The following RBM33 variants were observed in gnomAD, a reference collection of about 807,000 sequenced individuals.
RBM33 encodes the protein RNA binding motif protein 33, also known as RNA-binding protein 33.
In RBM33, 28 loss-of-function variants were observed where a neutral mutation model predicts 132.6. The ratio of observed to expected loss-of-function variants is 0.21; its 90% CI spans 0.16 to 0.29. The LOEUF (loss-of-function observed/expected upper bound fraction) is 0.29. RBM33 is among the 10% of genes least tolerant of loss of function. The pLI, the probability that RBM33 is intolerant of heterozygous loss-of-function variation, is 1.00. For missense variants in RBM33, 1,291 were observed against 1,518.5 expected, an observed-to-expected ratio of 0.85 and a Z score of 2.49; for synonymous variants, 634 against 593.0, an observed-to-expected ratio of 1.07 and a Z score of -1.01.
chr7:155,749,350 C>T (rs903734838), intron 14 of RBM33, among the ~76,000 whole-genome samples: 8 of 152,136 alleles, frequency 5.3e-5, no homozygotes, highest in African/African-American at 1.9e-4. Context: ...CCTTCTGAGG[C>T]GAGTGCGTTG....
chr7:155,650,704 C>T (rs1037847593), intron 1 of RBM33, among the ~76,000 whole-genome samples: 1 of 152,128 alleles, frequency 6.6e-6, no homozygotes, highest in African/African-American at 2.4e-5. Flanking sequence ...GTCTGGTTCC[C>T]TTTAAAAAAG....
chr7:155,764,561 T>TC (rs1423843937), intron 15 of RBM33, among the ~76,000 whole-genome samples: 7 of 152,160 alleles, frequency 4.6e-5, no homozygotes, highest in Admixed American at 4.6e-4. Context: ...GTGCTCCCCA[T>TC]CCCCCTTTCT....
At chr7:155,646,320 G>GATAAACAGGC (rs1394457390) in intron 1 of RBM33, among the ~76,000 whole-genome samples, 1 of 152,178 alleles carries the variant, frequency 6.6e-6, no homozygotes, top group African/African-American at 2.4e-5. Flanking sequence ...ATGTAATCCA[G>GATAAACAGGC]ATAAACAGGC....
At chr7:155,743,917 A>T (rs1801431809) in intron 13 of RBM33, among the ~76,000 whole-genome samples, 1 of 152,202 alleles carries the variant, frequency 6.6e-6, no homozygotes, top group African/African-American at 2.4e-5. Context: ...CTTGCTCTGT[A>T]TGCCTACCCT....
intron 15 of RBM33, 65 bp from the exon 16 acceptor site, chr7:155,766,402 A>G: frequency 6.5e-7 from 1 of 1,529,540 alleles, no homozygotes; most frequent in Non-Finnish European, 8.9e-7. Context: ...TCACTTTTAT[A>G]TCTTAGTGAC....
intron 6 of RBM33, chr7:155,701,222 A>G (rs1210036677): frequency 9.8e-6 from 5 of 510,096 alleles, no homozygotes; most frequent in Admixed American, 3.7e-5. Context: ...GCTCTTGTAC[A>G]TGCTGTGGTT....
intron 1 of RBM33, among the ~76,000 whole-genome samples, chr7:155,653,116 A>G (rs1387090972): frequency 6.6e-6 from 1 of 152,094 alleles, no homozygotes; most frequent in African/African-American, 2.4e-5. Flanking sequence ...TAGACACTTG[A>G]GTTGCTTCCA....
rs1168414958 is a variant in RBM33 at position 155,662,173 on chromosome 7, GTC to G, written c.44-2994_44-2993del. The stretch of plus-strand genomic sequence containing the variant: ...TGGGATGGTTGTCATGGCTTTGATT[GTC>G]TCTCTCTGAGCACACCTTCCGTAAT... On this transcript the variant is annotated intron_variant, in intron 1 of 17. Coordinates refer to ENST00000401878, the MANE Select transcript of RBM33 (RefSeq NM_053043.3). Among the ~76,000 whole-genome samples the G allele has an allele frequency of 2.6e-5, 4 of 152,194 alleles. No individual in the cohort carries two copies. The South Asian group carries it at 6.2e-4, about 24-fold the overall frequency.
At chr7:155,712,603 A>G (rs951167508) in intron 8 of RBM33, among the ~76,000 whole-genome samples, 10 of 152,204 alleles carry the variant, frequency 6.6e-5, no homozygotes, top group Admixed American at 5.9e-4. Flanking sequence ...CTGAGCAGGA[A>G]AGAGTTGAGG....
In RBM33 at chr7:155,664,958, A is replaced by G. The variant is rs546280087; in HGVS notation, c.44-217A>G. 3.4e-4 allele frequency among the ~76,000 whole-genome samples: 52 copies of G among 152,142 alleles called. No individual in the cohort carries two copies. The highest frequency in any genetic ancestry group is 5.3e-4 in the Non-Finnish European group (36 of 67,980). ...ACCTGTTAGTGATTTTTCATGCCCA[A>G]TAATGTTCAATAAGTTGGTTTTCTT... On this transcript the variant is annotated intron_variant, in intron 1 of 17. Transcript: ENST00000401878.
intron 1 of RBM33, among the ~76,000 whole-genome samples, chr7:155,652,344 G>A (rs1484342638): frequency 6.6e-6 from 1 of 152,198 alleles, no homozygotes; most frequent in Non-Finnish European, 1.5e-5. Flanking sequence ...GCCTGAATTG[G>A]AATAGCTGTG....
intron 9 of RBM33, among the ~76,000 whole-genome samples, chr7:155,735,059 G>A (rs1801070466): frequency 6.6e-6 from 1 of 152,194 alleles, no homozygotes; most frequent in African/African-American, 2.4e-5. Context: ...AACATCGTAA[G>A]TTGGACCATT....
chr7:155,649,521 G>T (rs1349965842), intron 1 of RBM33, among the ~76,000 whole-genome samples: 1 of 152,152 alleles, frequency 6.6e-6, no homozygotes, highest in Non-Finnish European at 1.5e-5. Flanking sequence ...AATCATGTTA[G>T]CTTGATTTTT....
chr7:155,711,868 T>C (rs755918435), intron 8 of RBM33, among the ~76,000 whole-genome samples: 2 of 152,264 alleles, frequency 1.3e-5, no homozygotes, highest in Non-Finnish European at 2.9e-5. Context: ...TATAGATTAC[T>C]GTGCATCTGA....
At chr7:155,737,390 AAGAG>A in intron 9 of RBM33, 136 bp from the exon 10 acceptor site, 1 of 593,132 alleles carries the variant, frequency 1.7e-6, no homozygotes, top group South Asian at 2.6e-5. Flanking sequence ...TGTGTGTAGA[AAGAG>A]AAAGACAGTG....
At position 155,695,935 on chromosome 7, in the gene RBM33, C is replaced by T. The variant is rs184944831; in HGVS notation, c.568-4838C>T. On this transcript the variant is annotated intron_variant, in intron 5 of 17. Coordinates refer to ENST00000401878, the MANE Select transcript of RBM33 (RefSeq NM_053043.3). ...TATGATCTATCTCAATATGTGCGCA[C>T]GTGTGTGTGTGTGTGTGGTATGAGA... Among the ~76,000 whole-genome samples, 1,041 of 150,434 alleles carry T rather than the reference C, an allele frequency of 6.9e-3. 12 individuals carry two copies. Among genetic ancestry groups the T allele is most frequent in the African/African-American group, 0.024 (976 of 40,812 alleles).
chr7:155,707,068 G>C lies in RBM33; in HGVS notation c.948G>C (p.Val316=). 6.5e-7 allele frequency: 1 copy of C among 1,537,042 alleles called. No homozygotes were observed. Among genetic ancestry groups the C allele is most frequent in the Non-Finnish European group, 8.8e-7 (1 of 1,140,896 alleles). The change falls in exon 7 of 18, where the codon GTG becomes GTC. Residue 316 remains valine (V), a splice_region_variant and synonymous_variant. Transcript: ENST00000401878. The part of the protein sequence containing the change: ...PALLPTQPPV[V]PQAPPPPPPP... ...TGCTTCCTACACAGCCTCCTGTCGT[G>C]GTAACTTCAGATTTTCTTGTAGTAG... is the stretch of plus-strand genomic sequence containing the variant.
At chr7:155,684,584 C>A (rs1366377247) in intron 5 of RBM33, among the ~76,000 whole-genome samples, 1 of 152,144 alleles carries the variant, frequency 6.6e-6, no homozygotes, top group African/African-American at 2.4e-5. Context: ...ATTTCAGCCC[C>A]CTTCTGCTGC....
chr7:155,676,693 C>G (rs963825017), intron 3 of RBM33, among the ~76,000 whole-genome samples: 1 of 152,178 alleles, frequency 6.6e-6, no homozygotes, highest in Non-Finnish European at 1.5e-5. Context: ...TGAGCAGAAC[C>G]CCCTGGAGCC....
Sources: allele counts gnomAD v4.1 joint callset (sites outside exome capture counted in the v4.1 genomes callset), GRCh38; gene constraint gnomAD v4.1.1; transcripts MANE v1.5; gene names NCBI Gene and HGNC (gene_info 2026-07-23, HGNC 2026-07-21).